Variants in WASL observed in about 807,000 individuals in gnomAD.
WASL encodes the protein WASP like actin nucleation promoting factor.
Under a neutral mutation model 55.5 loss-of-function variants are expected in WASL, and 20 were observed. The observed-to-expected ratio is 0.36, with a 90% CI of 0.25 to 0.52. The LOEUF (loss-of-function observed/expected upper bound fraction) is 0.52, where lower values mean the gene tolerates loss of function less well. Among genes scored for constraint, WASL ranks in the 20% least tolerant of loss-of-function variants. The pLI is 0.92. For synonymous variants in WASL, 249 were observed against 217.6 expected, an observed-to-expected ratio of 1.14 and a Z score of -1.27; for missense variants, 504 against 622.5, an observed-to-expected ratio of 0.81 and a Z score of 2.03.
intron 5 of WASL, among the ~76,000 whole-genome samples, chr7:123,699,398 G>C (rs1803543104): frequency 6.6e-6 from 1 of 151,964 alleles, no homozygotes; most frequent in Non-Finnish European, 1.5e-5. Flanking sequence ...AAAAGAAAAA[G>C]AATTAGGCAC....
intron 1 of WASL, among the ~76,000 whole-genome samples, chr7:123,730,629 G>A (rs764498793): frequency 1.5e-4 from 23 of 152,026 alleles, no homozygotes; most frequent in Admixed American, 5.2e-4. Flanking sequence ...CAAAGAATGG[G>A]AGAAAAAGAA....
chr7:123,685,808 T>C (rs1391404813), intron 10 of WASL, among the ~76,000 whole-genome samples: 1 of 148,920 alleles, frequency 6.7e-6, no homozygotes, highest in Admixed American at 6.7e-5. Flanking sequence ...TATATCTATA[T>C]ATAAAATATG....
intron 4 of WASL, among the ~76,000 whole-genome samples, chr7:123,705,856 A>T (rs1408014783): frequency 4.6e-5 from 7 of 152,194 alleles, no homozygotes; most frequent in Non-Finnish European, 8.8e-5. Context: ...GCTTACCTAA[A>T]GTCTTTGTTT....
intron 10 of WASL, among the ~76,000 whole-genome samples, chr7:123,688,174 T>C (rs530614328): frequency 6.6e-6 from 1 of 152,286 alleles, no homozygotes; most frequent in African/African-American, 2.4e-5. Context: ...TGGTGGTATG[T>C]ATATGTTTAA....
chr7:123,727,392 C>G (rs899387524), intron 1 of WASL, among the ~76,000 whole-genome samples: 2 of 149,258 alleles, frequency 1.3e-5, no homozygotes, highest in African/African-American at 2.5e-5. Context: ...CAAACTTATA[C>G]AAGAACACAG....
At chr7:123,711,693 T>C (rs1272436390) in intron 1 of WASL, among the ~76,000 whole-genome samples, 2 of 152,120 alleles carry the variant, frequency 1.3e-5, no homozygotes, top group Non-Finnish European at 2.9e-5. Context: ...AGTGACTTAA[T>C]TAAGTTTTTA....
chr7:123,719,142 G>A (rs142816662), intron 1 of WASL, among the ~76,000 whole-genome samples: 1 of 152,112 alleles, frequency 6.6e-6, no homozygotes, highest in Non-Finnish European at 1.5e-5. Flanking sequence ...CCCTTTATTA[G>A]TCTGGTCACC....
chr7:123,734,604 A>AG (rs1220176278), intron 1 of WASL, among the ~76,000 whole-genome samples: 2 of 151,434 alleles, frequency 1.3e-5, no homozygotes, highest in East Asian at 3.9e-4. Flanking sequence ...AAAAAAAAAA[A>AG]AAAAAAAAAA....
intron 1 of WASL, among the ~76,000 whole-genome samples, chr7:123,721,759 A>T (rs774420929): frequency 2.4e-4 from 36 of 152,128 alleles, no homozygotes; most frequent in Non-Finnish European, 1.2e-4. Flanking sequence ...CTAAAAACAC[A>T]AAATTTGGTC....
At chr7:123,703,695 C>A (rs1803624392) in intron 5 of WASL, among the ~76,000 whole-genome samples, 2 of 152,096 alleles carry the variant, frequency 1.3e-5, no homozygotes, top group Admixed American at 1.3e-4. Flanking sequence ...AATCAAAAGG[C>A]AACGTATCTG....
At chr7:123,732,985 A>C (rs1241894238) in intron 1 of WASL, among the ~76,000 whole-genome samples, 1 of 152,180 alleles carries the variant, frequency 6.6e-6, no homozygotes, top group Non-Finnish European at 1.5e-5. Context: ...ATAATAAAAA[A>C]AAATCTCAAA....
rs1357710940 is a variant in WASL at position 123,748,944 on chromosome 7, C to T, written c.-210G>A. Reference sequence around the variant, plus strand: ...CGCCGCGCTGAGAAAGGGAAGCTCCCGGCACCCGCCCGGCCAGGCTAGGGC... The same window carrying T: ...CGCCGCGCTGAGAAAGGGAAGCTCCTGGCACCCGCCCGGCCAGGCTAGGGC... On this transcript the variant is annotated 5_prime_UTR_variant, in exon 1 of 11. Transcript: ENST00000223023. The T allele has an allele frequency of 7.1e-6, 4 of 563,208 alleles. No homozygotes were observed. Among genetic ancestry groups the T allele is most frequent in the South Asian group, 2.1e-5 (1 of 47,210 alleles). 34.9% of individuals were successfully genotyped at this position (563,208 alleles called of 1,614,324 possible).
intron 1 of WASL, among the ~76,000 whole-genome samples, chr7:123,736,681 A>C (rs2116822065): frequency 1.3e-5 from 2 of 152,342 alleles, no homozygotes; most frequent in South Asian, 4.1e-4. Flanking sequence ...CTTCAAAAAA[A>C]ATGTTAAAGA....
rs549634915 is a variant in WASL, at chr7:123,699,993, G to A, written c.461-3246C>T. Among the ~76,000 whole-genome samples the A allele has an allele frequency of 2.8e-4, 42 of 151,738 alleles. No individual in the cohort carries two copies. In the South Asian group the frequency reaches 7.7e-3, roughly 28 times the overall value. On this transcript the variant is annotated intron_variant, in intron 5 of 10. Transcript: ENST00000223023. ...AGGTCGAGACCATCCTGGCTAACAC[G>A]GTGAAACCCCGTCTCTACTAACAAT...
At chr7:123,690,349 A>C (rs572502988) in intron 9 of WASL, among the ~76,000 whole-genome samples, 104 of 151,884 alleles carry the variant, frequency 6.8e-4, no homozygotes, top group Non-Finnish European at 1.4e-3. Context: ...TCTTTAAAGT[A>C]AGTCTATGGT....
At chr7:123,724,042 C>A (rs1398508768) in intron 1 of WASL, among the ~76,000 whole-genome samples, 1 of 152,104 alleles carries the variant, frequency 6.6e-6, no homozygotes, top group Non-Finnish European at 1.5e-5. Flanking sequence ...TTATACCTTG[C>A]TTTGGCCTGA....
At chr7:123,702,557 G>A (rs1195901942) in intron 5 of WASL, among the ~76,000 whole-genome samples, 1 of 152,108 alleles carries the variant, frequency 6.6e-6, no homozygotes, top group Non-Finnish European at 1.5e-5. Flanking sequence ...GACCAACTGT[G>A]GATTAAAAAT....
chr7:123,737,404 T>C (rs1212620152), intron 1 of WASL, among the ~76,000 whole-genome samples: 1 of 152,066 alleles, frequency 6.6e-6, no homozygotes, highest in East Asian at 1.9e-4. Context: ...AAGACCATCC[T>C]GGCCAACAAG....
At chr7:123,727,002 C>A (rs933101659) in intron 1 of WASL, among the ~76,000 whole-genome samples, 1 of 152,126 alleles carries the variant, frequency 6.6e-6, no homozygotes, top group Admixed American at 6.5e-5. Flanking sequence ...AATCAACCCA[C>A]TAAATCTATG....
Sources: gnomAD v4.1 joint callset for allele counts (sites outside exome capture counted in the v4.1 genomes callset) on GRCh38, gnomAD v4.1.1 for gene constraint, MANE v1.5 for transcripts, NCBI Gene and HGNC (gene_info 2026-07-23, HGNC 2026-07-21) for gene names.